IGSF21: variants seen among roughly 807,000 people sequenced by gnomAD.
IGSF21 encodes the protein immunoglobin superfamily member 21, also known as immunoglobulin superfamily member 21.
In IGSF21, 28 loss-of-function variants were observed where a neutral mutation model predicts 46.8. The observed-to-expected ratio is 0.60, with a 90% CI of 0.44 to 0.82. The LOEUF (loss-of-function observed/expected upper bound fraction) is 0.82, where lower values mean the gene tolerates loss of function less well. IGSF21 is among the 40% of genes least tolerant of loss of function. The pLI is 0.00. For synonymous variants in IGSF21, 284 were observed against 273.6 expected, an observed-to-expected ratio of 1.04 and a Z score of -0.38; for missense variants, 624 against 665.5, an observed-to-expected ratio of 0.94 and a Z score of 0.69.
intron 2 of IGSF21, among the ~76,000 whole-genome samples, chr1:18,264,509 A>G (rs1256483722): frequency 6.6e-6 from 1 of 152,148 alleles, no homozygotes; most frequent in African/African-American, 2.4e-5. Context: ...AATGGGGGAG[A>G]GAACACATGG....
At chr1:18,120,982 C>T (rs75265566) in intron 1 of IGSF21, among the ~76,000 whole-genome samples, 2,547 of 152,284 alleles carry the variant, frequency 0.017, 82 homozygotes, top group African/African-American at 0.058. Flanking sequence ...GTCTATTTTC[C>T]ACCCTATTTC....
Position 18,196,323 on chromosome 1 carries a change from C to T in IGSF21, c.71-31575C>T, listed in dbSNP as rs367810942. The stretch of plus-strand genomic sequence containing the variant: ...GTAATTTGGGTTATTACTAAATGCT[C>T]GTTGAGCTGGATTCTGTATTGACCT... On this transcript the variant is annotated intron_variant, in intron 1 of 9. Transcript: ENST00000251296. 5.3e-5 allele frequency among the ~76,000 whole-genome samples: 8 copies of T among 152,050 alleles called. No individual in the cohort carries two copies. In the East Asian group the frequency reaches 9.7e-4, roughly 18 times the overall value.
At chr1:18,265,814 G>C (rs186364318) in intron 2 of IGSF21, among the ~76,000 whole-genome samples, 2 of 152,210 alleles carry the variant, frequency 1.3e-5, no homozygotes, top group African/African-American at 4.8e-5. Flanking sequence ...AGGCAAGCCC[G>C]CTCCTTCCTT....
intron 4 of IGSF21, among the ~76,000 whole-genome samples, chr1:18,343,340 A>G (rs560163059): frequency 5.5e-4 from 83 of 152,182 alleles, no homozygotes; most frequent in Non-Finnish European, 9.6e-4. Context: ...TCTGACCTAC[A>G]TGTAAGTCCC....
At chr1:18,244,264 C>T (rs2084762068) in intron 2 of IGSF21, among the ~76,000 whole-genome samples, 1 of 152,222 alleles carries the variant, frequency 6.6e-6, no homozygotes, top group African/African-American at 2.4e-5. Context: ...AGCTACAACT[C>T]TGGGCAATGG....
chr1:18,325,868 T>C (rs1283874162), intron 3 of IGSF21, among the ~76,000 whole-genome samples: 1 of 152,190 alleles, frequency 6.6e-6, no homozygotes, highest in East Asian at 1.9e-4. Context: ...AAAAGCAAGA[T>C]GCCGTGAGGG....
Position 18,335,592 on chromosome 1 carries a change from C to T in IGSF21, c.424+582C>T, listed in dbSNP as rs1279617206. On this transcript the variant is annotated intron_variant, in intron 4 of 9. Coordinates refer to ENST00000251296, the MANE Select transcript of IGSF21 (RefSeq NM_032880.5). The surrounding 1 kb of genome is among the most constrained non-coding windows in gnomAD (Gnocchi z 4.8). ...TGTAAAACAAGAATGCTGCTCTGCACGTTCTCAGAAGCCCCCACTGGCTCT... is the reference window on the plus strand; with the variant it reads ...TGTAAAACAAGAATGCTGCTCTGCATGTTCTCAGAAGCCCCCACTGGCTCT... Among the ~76,000 whole-genome samples, 2 of 152,202 alleles carry T rather than the reference C, an allele frequency of 1.3e-5. No individual in the cohort carries two copies. Among genetic ancestry groups the T allele is most frequent in the African/African-American group, 4.8e-5 (2 of 41,456 alleles).
At chr1:18,205,456 C>T (rs191772343) in intron 1 of IGSF21, among the ~76,000 whole-genome samples, 4 of 152,144 alleles carry the variant, frequency 2.6e-5, no homozygotes, top group Admixed American at 1.3e-4. Context: ...GTTTGTCATC[C>T]GGTGTTTCCT....
At chr1:18,239,797 C>T (rs372294251) in intron 2 of IGSF21, among the ~76,000 whole-genome samples, 2 of 152,126 alleles carry the variant, frequency 1.3e-5, no homozygotes, top group African/African-American at 4.8e-5. Flanking sequence ...CCATTTTTCC[C>T]CCTTCAATCT....
intron 1 of IGSF21, among the ~76,000 whole-genome samples, chr1:18,184,001 A>G (rs2086880584): frequency 6.6e-6 from 1 of 152,170 alleles, no homozygotes; most frequent in African/African-American, 2.4e-5. Context: ...TATTTGCCGA[A>G]CACCAGTTCA....
rs1326042872 is a variant in IGSF21, at chr1:18,365,280, G to A, written c.598G>A (p.Ala200Thr). Residue 200 changes from alanine to threonine, a missense_variant, in exon 6 of 10, where the codon GCT becomes ACT. Transcript: ENST00000251296. The surrounding 1 kb of genome is among the most constrained non-coding windows in gnomAD (Gnocchi z 4.8). ...IDAVPLSEPP[A>T]ASSGPLQDSR... ...CGCAGTGCCCCTATCAGAGCCACCA[G>A]CTGCGAGCTCCGGCCCCCTACAGGA... 1 of 1,613,742 alleles carries A rather than the reference G, an allele frequency of 6.2e-7. No individual in the cohort carries two copies. Among genetic ancestry groups the A allele is most frequent in the Non-Finnish European group, 8.5e-7 (1 of 1,179,784 alleles).
At chr1:18,210,720 G>T (rs894116696) in intron 1 of IGSF21, among the ~76,000 whole-genome samples, 1 of 152,074 alleles carries the variant, frequency 6.6e-6, no homozygotes, top group Non-Finnish European at 1.5e-5. Context: ...CAGCATCACC[G>T]GTTCCTGCAC....
At chr1:18,329,840 A>G (rs533294040) in intron 3 of IGSF21, among the ~76,000 whole-genome samples, 3 of 152,368 alleles carry the variant, frequency 2.0e-5, no homozygotes, top group African/African-American at 7.2e-5. Context: ...CAGATTCAGC[A>G]GAAGCTGCAG....
intron 1 of IGSF21, among the ~76,000 whole-genome samples, chr1:18,186,035 G>C (rs2086900027): frequency 6.6e-6 from 1 of 152,186 alleles, no homozygotes; most frequent in African/African-American, 2.4e-5. Flanking sequence ...GATTATTAGG[G>C]GGATGGCAAC....
intron 2 of IGSF21, among the ~76,000 whole-genome samples, chr1:18,257,533 T>A (rs1342393943): frequency 6.6e-6 from 1 of 152,088 alleles, no homozygotes; most frequent in Non-Finnish European, 1.5e-5. Flanking sequence ...GTATGTCAAG[T>A]CATGGCTGGA....
chr1:18,123,728 T>A (rs1405084876), intron 1 of IGSF21, among the ~76,000 whole-genome samples: 1 of 151,752 alleles, frequency 6.6e-6, no homozygotes, highest in African/African-American at 2.4e-5. Context: ...ACAGCAAGGA[T>A]AAAGGCCTAT....
At chr1:18,118,114 G>A (rs561920698) in intron 1 of IGSF21, among the ~76,000 whole-genome samples, 71 of 152,326 alleles carry the variant, frequency 4.7e-4, no homozygotes, top group Non-Finnish European at 7.8e-4. Context: ...GCCACGGAGA[G>A]AAGCAGCTGA....
At chr1:18,153,307 C>T (rs1222010864) in intron 1 of IGSF21, among the ~76,000 whole-genome samples, 1 of 152,356 alleles carries the variant, frequency 6.6e-6, no homozygotes, top group Non-Finnish European at 1.5e-5. Flanking sequence ...CCATTAGCAT[C>T]CACACACGGC....
intron 3 of IGSF21, among the ~76,000 whole-genome samples, chr1:18,303,290 G>T (rs758550112): frequency 2.6e-5 from 4 of 152,190 alleles, no homozygotes; most frequent in Non-Finnish European, 5.9e-5. Flanking sequence ...GTGCAGTGCA[G>T]ATCTCAGACT....
Sources: gnomAD v4.1 joint callset for allele counts (sites outside exome capture counted in the v4.1 genomes callset) on GRCh38, gnomAD v4.1.1 for gene constraint, Gnocchi (gnomAD v3.1) non-coding constraint, MANE v1.5 for transcripts, NCBI Gene and HGNC (gene_info 2026-07-23, HGNC 2026-07-21) for gene names.